ITCH: variants seen among roughly 807,000 people sequenced by gnomAD.
ITCH encodes the protein itchy E3 ubiquitin protein ligase, also known as E3 ubiquitin-protein ligase Itchy homolog.
Under a neutral mutation model 126.8 loss-of-function variants are expected in ITCH, and 28 were observed. The observed-to-expected ratio is 0.22, with a 90% CI of 0.16 to 0.30. ITCH has a LOEUF of 0.30. Among genes scored for constraint, ITCH ranks in the 10% least tolerant of loss-of-function variants. The probability of loss-of-function intolerance (pLI) is 1.00; values close to 1 mark genes in which losing one functional copy is unlikely to be tolerated. For missense variants in ITCH, 631 were observed against 1,032.4 expected, an observed-to-expected ratio of 0.61 and a Z score of 5.33; for synonymous variants, 342 against 340.0, an observed-to-expected ratio of 1.01 and a Z score of -0.06.
At chr20:34,412,923 C>T (rs188555092) in intron 5 of ITCH, among the ~76,000 whole-genome samples, 126 of 150,796 alleles carry the variant, frequency 8.4e-4, no homozygotes, top group African/African-American at 2.9e-3. Flanking sequence ...AAATATAGAG[C>T]AGAGATGAAA....
chr20:34,418,772 T>TC (rs1237353092), intron 6 of ITCH, among the ~76,000 whole-genome samples: 2 of 149,400 alleles, frequency 1.3e-5, no homozygotes, highest in Admixed American at 1.3e-4. Flanking sequence ...TTTTTTTTTT[T>TC]TTTTGTGAGA....
At chr20:34,432,621 GT>G (rs1982459463) in intron 7 of ITCH, among the ~76,000 whole-genome samples, 1 of 152,278 alleles carries the variant, frequency 6.6e-6, no homozygotes, top group African/African-American at 2.4e-5. Context: ...ATTTGAAAAT[GT>G]CCAGCAAATG....
In ITCH at chr20:34,440,203, G is replaced by A. The variant is rs1360707678; in HGVS notation, c.728G>A (p.Ser243Asn). The part of the protein sequence containing the change: ...PSATSESDGS[S>N]TGSLPPTNTN... ...GCCACTTCTGAAAGTGATGGGTCTA[G>A]TACAGGCTCTCTGCCGCCGACAAAT... is the stretch of plus-strand genomic sequence containing the variant. The change falls in exon 9 of 25, where the codon AGT (serine) becomes AAT (asparagine). Residue 243 changes from serine to asparagine, a missense_variant. Coordinates refer to ENST00000374864, the MANE Select transcript of ITCH (RefSeq NM_031483.7). 2.5e-6 allele frequency: 4 copies of A among 1,613,880 alleles called. No homozygotes were observed. The highest frequency in any genetic ancestry group is 3.4e-6 in the Non-Finnish European group (4 of 1,179,750).
chr20:34,402,687 T>C lies in ITCH; in HGVS notation c.71-5964T>C, dbSNP rs562432939. ...CCATCACCCACAACAACACACTTAA[T>C]TGTCTGCATTGCTGAAATAGTTTTG... On this transcript the variant is annotated intron_variant, in intron 3 of 24. Coordinates refer to ENST00000374864, the MANE Select transcript of ITCH (RefSeq NM_031483.7). 702 of 506,278 alleles carry C rather than the reference T, an allele frequency of 1.4e-3. 1 individual carries two copies. Among genetic ancestry groups the C allele is most frequent in the Non-Finnish European group, 2.3e-3 (604 of 264,862 alleles). 31.4% of individuals were successfully genotyped at this position (506,278 alleles called of 1,614,324 possible).
At chr20:34,461,437 G>A (rs1454054770) in intron 13 of ITCH, among the ~76,000 whole-genome samples, 6 of 152,160 alleles carry the variant, frequency 3.9e-5, no homozygotes, top group African/African-American at 1.4e-4. Flanking sequence ...ATGGCTGGGC[G>A]CAGTGGCTCA....
intron 1 of ITCH, among the ~76,000 whole-genome samples, chr20:34,369,088 G>A (rs567933519): frequency 6.6e-6 from 1 of 152,298 alleles, no homozygotes; most frequent in East Asian, 1.9e-4. Flanking sequence ...CCAGCACTTT[G>A]GGAGGCTGAG....
intron 12 of ITCH, chr20:34,454,591 T>C (rs965239169): frequency 1.3e-5 from 2 of 152,162 alleles, no homozygotes; most frequent in African/African-American, 4.8e-5. Flanking sequence ...TAAGCTGACA[T>C]AGAAAGTAGC....
At chr20:34,476,394 G>A (rs934605371) in intron 16 of ITCH, 13 of 1,259,862 alleles carry the variant, frequency 1.0e-5, no homozygotes, top group East Asian at 3.2e-5. Context: ...GGGACCCGGC[G>A]TGGTGCAGCC....
chr20:34,371,657 A>G (rs183573480), intron 2 of ITCH, among the ~76,000 whole-genome samples: 1 of 152,220 alleles, frequency 6.6e-6, no homozygotes, highest in African/African-American at 2.4e-5. Flanking sequence ...AAAGCAATTT[A>G]AAAAATATTT....
At chr20:34,438,390 C>G (rs746288878) in intron 7 of ITCH, 84 bp from the exon 8 acceptor site, 1 of 1,450,268 alleles carries the variant, frequency 6.9e-7, no homozygotes, top group Non-Finnish European at 9.6e-7. Context: ...TAGAAGTTTT[C>G]ATCCTCCTGC....
At chr20:34,375,695 A>AAT (rs2037812696) in intron 2 of ITCH, among the ~76,000 whole-genome samples, 1 of 135,084 alleles carries the variant, frequency 7.4e-6, no homozygotes, top group Non-Finnish European at 1.6e-5. Context: ...TGGTAGTTAA[A>AAT]ATTTTTTTTT....
intron 3 of ITCH, chr20:34,402,268 C>T: frequency 8.0e-7 from 1 of 1,249,074 alleles, no homozygotes; most frequent in Non-Finnish European, 1.2e-6. Context: ...ACGTACTTGA[C>T]AGTCTTCAGG....
chr20:34,408,719 G>A lies in ITCH; in HGVS notation c.139G>A (p.Val47Ile). 1 of 1,614,002 alleles carries A rather than the reference G, an allele frequency of 6.2e-7. No homozygotes were observed. Among genetic ancestry groups the A allele is most frequent in the Non-Finnish European group, 8.5e-7 (1 of 1,179,870 alleles). ...FGPSPYVEVT[V>I]DGQSKKTEKC... ...ACCAAGTCCTTACGTAGAGGTCACA[G>A]TAGATGGACAGTCAAAGAAGACAGA... Residue 47 changes from valine (V) to isoleucine (I), a missense_variant, in exon 4 of 25, where the codon GTA (valine) becomes ATA (isoleucine). This residue lies in a region of ITCH where 220 missense variants were observed against 265.7 expected (regional missense o/e 0.83). Transcript: ENST00000374864.
At chr20:34,375,042 G>GATT (rs1491554151) in intron 2 of ITCH, among the ~76,000 whole-genome samples, 3 of 140,218 alleles carry the variant, frequency 2.1e-5, no homozygotes, top group Non-Finnish European at 4.7e-5. Flanking sequence ...CGCCTGGCGT[G>GATT]ATTTTTTTTT....
intron 2 of ITCH, among the ~76,000 whole-genome samples, chr20:34,390,793 T>C (rs1189400601): frequency 7.2e-6 from 1 of 139,592 alleles, no homozygotes; most frequent in African/African-American, 2.7e-5. Context: ...GGAGTTTTGC[T>C]CCTGTTGCCC....
intron 10 of ITCH, among the ~76,000 whole-genome samples, chr20:34,444,862 G>T (rs1047061693): frequency 6.6e-6 from 1 of 152,184 alleles, no homozygotes; most frequent in Non-Finnish European, 1.5e-5. Flanking sequence ...GGCTGGTCTT[G>T]AACTACTGAC....
intron 12 of ITCH, among the ~76,000 whole-genome samples, chr20:34,456,182 G>GTA (rs1439725497): frequency 5.1e-4 from 19 of 37,190 alleles, no homozygotes; most frequent in Admixed American, 1.6e-3. Context: ...GTGTGTGTGT[G>GTA]TGTATATATA....
chr20:34,384,565 C>T (rs1030039996), intron 2 of ITCH, among the ~76,000 whole-genome samples: 3 of 151,934 alleles, frequency 2.0e-5, no homozygotes, highest in East Asian at 1.9e-4. Context: ...AGGCTTGAGC[C>T]GCCGTGCCCA....
At chr20:34,473,353 A>T (rs1319382905) in intron 16 of ITCH, among the ~76,000 whole-genome samples, 2 of 152,226 alleles carry the variant, frequency 1.3e-5, no homozygotes, top group Admixed American at 1.3e-4. Context: ...AGATAAGGAT[A>T]CAAATGTCTT....
Sources: gnomAD v4.1 joint callset for allele counts (sites outside exome capture counted in the v4.1 genomes callset) on GRCh38, gnomAD v4.1.1 for gene constraint, gnomAD v4.1.1 regional missense constraint, MANE v1.5 for transcripts, NCBI Gene and HGNC (gene_info 2026-07-23, HGNC 2026-07-21) for gene names.